EFCAB7: variants seen among roughly 807,000 people sequenced by gnomAD.
EFCAB7 encodes the protein EF-hand calcium-binding domain-containing protein 7.
In EFCAB7, 66 loss-of-function variants were observed where a neutral mutation model predicts 77.1. The observed-to-expected ratio is 0.86, with a 90% CI of 0.70 to 1.05. The LOEUF is 1.05. EFCAB7 is among the 50% of genes least tolerant of loss of function. The probability of loss-of-function intolerance (pLI) is 0.00; values close to 1 mark genes in which losing one functional copy is unlikely to be tolerated. For missense variants in EFCAB7, 638 were observed against 730.5 expected, an observed-to-expected ratio of 0.87 and a Z score of 1.46; for synonymous variants, 225 against 243.3, an observed-to-expected ratio of 0.92 and a Z score of 0.70.
intron 9 of EFCAB7, among the ~76,000 whole-genome samples, chr1:63,555,798 C>T (rs2100910828): frequency 6.6e-6 from 1 of 151,982 alleles, no homozygotes; most frequent in East Asian, 1.9e-4. Flanking sequence ...AGTACACTGT[C>T]ACAATCATTG....
chr1:63,556,040 A>G (rs1249740978), intron 9 of EFCAB7, among the ~76,000 whole-genome samples: 1 of 152,182 alleles, frequency 6.6e-6, no homozygotes, highest in Non-Finnish European at 1.5e-5. Flanking sequence ...ATCCAGCCTT[A>G]TATGTGGGAT....
chr1:63,541,598 C>T (rs553251955), intron 6 of EFCAB7, among the ~76,000 whole-genome samples: 3 of 151,806 alleles, frequency 2.0e-5, no homozygotes, highest in Non-Finnish European at 2.9e-5. Flanking sequence ...GGAGTTTTGC[C>T]GTGTTACCCA....
rs1646801062 is a variant in EFCAB7 at position 63,539,305 on chromosome 1, T to C, written c.804+5089T>C. On this transcript the variant is annotated intron_variant, in intron 6 of 13. Coordinates refer to ENST00000371088, the MANE Select transcript of EFCAB7 (RefSeq NM_032437.4). ...TTTTTAAAGCTGGGGGTAGGGCTGC[T>C]GTGCTGATGATTACAGTACAAATTT... is the stretch of plus-strand genomic sequence containing the variant. Among the ~76,000 whole-genome samples, 3 of 152,224 alleles carry C rather than the reference T, an allele frequency of 2.0e-5. No individual in the cohort carries two copies. The South Asian group carries it at 6.2e-4, about 31-fold the overall frequency.
Position 63,533,435 on chromosome 1 carries a change from G to T in EFCAB7, c.487-19G>T. On this transcript the variant is annotated intron_variant, in intron 4 of 13. Transcript: ENST00000371088. ...GTATGATTGAATGTTTTACCCACTG[G>T]ACTTTTTTTTTCCTGTAGTTTTGTA... 3 of 1,589,154 alleles carry T rather than the reference G, an allele frequency of 1.9e-6. No individual in the cohort carries two copies. The South Asian group carries it at 3.5e-5, about 18-fold the overall frequency.
chr1:63,576,260 A>C (rs1570452918), downstream of EFCAB7, among the ~76,000 whole-genome samples: 1 of 152,134 alleles, frequency 6.6e-6, no homozygotes, highest in Non-Finnish European at 1.5e-5. Flanking sequence ...CTGGCAGATC[A>C]CCTGAGGTCA....
rs75021507 is a variant in EFCAB7, at chr1:63,559,542, A to T, written c.1349-2167A>T. Among the ~76,000 whole-genome samples, 1,245 of 152,210 alleles carry T rather than the reference A, an allele frequency of 8.2e-3. 12 individuals carry two copies. The highest frequency in any genetic ancestry group is 0.017 in the Middle Eastern group (5 of 294). On this transcript the variant is annotated intron_variant, in intron 10 of 13. Transcript: ENST00000371088. ...TAGTGGTGCAATCTCAACTCACTGCAACCCCTGCCTCCAGGCTCAAGCGAT... is the reference window on the plus strand; with the variant it reads ...TAGTGGTGCAATCTCAACTCACTGCTACCCCTGCCTCCAGGCTCAAGCGAT...
the EFCAB7 span, among the ~76,000 whole-genome samples, chr1:63,583,988 A>T: frequency 6.6e-6 from 1 of 150,648 alleles, no homozygotes; most frequent in Non-Finnish European, 1.5e-5. Context: ...TAAGATATGG[A>T]TCTTGGAGAA....
At chr1:63,552,649 A>G (rs1325536076) in intron 8 of EFCAB7, among the ~76,000 whole-genome samples, 1 of 152,248 alleles carries the variant, frequency 6.6e-6, no homozygotes, top group Non-Finnish European at 1.5e-5. Context: ...AAGCCAATAC[A>G]TAAATGTGGC....
intron 10 of EFCAB7, among the ~76,000 whole-genome samples, chr1:63,560,512 CTTT>C (rs11347600): frequency 0.016 from 1,214 of 77,482 alleles, 13 homozygotes; most frequent in African/African-American, 0.061. Flanking sequence ...AAACTCTTAA[CTTT>C]TTTTTTTTTT....
chr1:63,562,477 A>ATATATATATG (rs1266914686), intron 11 of EFCAB7, among the ~76,000 whole-genome samples: 1 of 83,108 alleles, frequency 1.2e-5, no homozygotes, highest in Non-Finnish European at 2.3e-5. Flanking sequence ...ATATATATAT[A>ATATATATATG]TATATATATA....
intron 13 of EFCAB7, among the ~76,000 whole-genome samples, chr1:63,571,678 A>G (rs1315871089): frequency 2.0e-5 from 3 of 150,810 alleles, no homozygotes; most frequent in Admixed American, 2.0e-4. Flanking sequence ...CTCAAAAAAA[A>G]AAAAAAAAAA....
rs1421006567 is a variant in EFCAB7 at position 63,534,205 on chromosome 1, A to C, written c.793A>C (p.Asn265His). Residue 265 changes from asparagine to histidine, a missense_variant, in exon 6 of 14, where the codon AAT becomes CAT. Coordinates refer to ENST00000371088, the MANE Select transcript of EFCAB7 (RefSeq NM_032437.4). ...GNRNSKLMEP[N>H]LIKDWQHMQS... ...CCGAAACTCAAAGTTAATGGAGCCAAATTTAATAAAGGTATAGTATTTTAA... is the reference window on the plus strand; with the variant it reads ...CCGAAACTCAAAGTTAATGGAGCCACATTTAATAAAGGTATAGTATTTTAA... 1.2e-6 allele frequency: 2 copies of C among 1,612,146 alleles called. No homozygotes were observed. The highest frequency in any genetic ancestry group is 1.1e-5 in the South Asian group (1 of 90,884).
In EFCAB7 at chr1:63,557,231, T is replaced by G; in HGVS notation, c.1332T>G (p.Ala444=). The change falls in exon 10 of 14, where the codon GCT becomes GCG. Residue 444 remains alanine (A), a synonymous_variant. Coordinates refer to ENST00000371088, the MANE Select transcript of EFCAB7 (RefSeq NM_032437.4). ...GTGGTGAGAAATGTGATGAAGATGC[T>G]TGGGCTGTCTGCAGAGGTAAGCACT... ...RTSGEKCDED[A]WAVCRENFDT... 6.2e-7 allele frequency: 1 copy of G among 1,608,114 alleles called. No individual in the cohort carries two copies.
At chr1:63,578,446 A>AT in the EFCAB7 span, among the ~76,000 whole-genome samples, 58,655 of 141,892 alleles carry the variant, frequency 0.41, 12,579 homozygotes, top group African/African-American at 0.54. Context: ...TCTAACATAC[A>AT]TTTTTTTTTT....
intron 2 of EFCAB7, 90 bp from the exon 3 acceptor site, chr1:63,531,730 T>A (rs1646698873): frequency 9.3e-7 from 1 of 1,074,282 alleles, no homozygotes; most frequent in African/African-American, 1.6e-5. Context: ...TTTGTAAATA[T>A]CATAATACAT....
chr1:63,565,290 CAG>C (rs1382917388), intron 11 of EFCAB7, among the ~76,000 whole-genome samples: 10 of 151,444 alleles, frequency 6.6e-5, no homozygotes, highest in Non-Finnish European at 1.3e-4. Context: ...ACCCGGGAGA[CAG>C]AGCTTGCAGT....
chr1:63,560,638 C>T (rs567853614), intron 10 of EFCAB7, among the ~76,000 whole-genome samples: 15 of 151,852 alleles, frequency 9.9e-5, no homozygotes, highest in African/African-American at 3.6e-4. Context: ...GCCTCAGCCT[C>T]CCAAGTGGCT....
chr1:63,582,448 C>G, the EFCAB7 span, among the ~76,000 whole-genome samples: 6 of 152,192 alleles, frequency 3.9e-5, no homozygotes, highest in Non-Finnish European at 5.9e-5. Context: ...TGCAGCTATG[C>G]CAGCAGGCAT....
intron 6 of EFCAB7, among the ~76,000 whole-genome samples, chr1:63,538,773 G>T (rs1646794380): frequency 6.6e-6 from 1 of 152,146 alleles, no homozygotes; most frequent in African/African-American, 2.4e-5. Context: ...TTTAAGTTGA[G>T]TAAGCATTGT....
Sources: allele counts gnomAD v4.1 joint callset (sites outside exome capture counted in the v4.1 genomes callset), GRCh38; gene constraint gnomAD v4.1.1; transcripts MANE v1.5; gene names NCBI Gene and HGNC (gene_info 2026-07-23, HGNC 2026-07-21).